FOXJ3: variants seen among roughly 807,000 people sequenced by gnomAD.
The protein encoded by FOXJ3 is forkhead box J3.
A neutral mutation model predicts 76.1 loss-of-function variants in FOXJ3; 22 were observed. The observed-to-expected ratio is 0.29, with a 90% CI of 0.21 to 0.41. The LOEUF (loss-of-function observed/expected upper bound fraction) is 0.41. FOXJ3 is among the 10% of genes least tolerant of loss of function. FOXJ3 has a pLI of 1.00. For missense variants in FOXJ3, 613 were observed against 762.1 expected (o/e 0.80, Z 2.30); for synonymous variants, 269 against 261.2 (o/e 1.03, Z -0.29).
chr1:42,224,052 T>A (rs956960405), intron 5 of FOXJ3, among the ~76,000 whole-genome samples: 3 of 152,262 alleles, frequency 2.0e-5, no homozygotes, highest in African/African-American at 7.2e-5. Flanking sequence ...AAATTCAGCA[T>A]AATCTTCTAT....
At chr1:42,291,268 C>A (rs1653420938) in intron 2 of FOXJ3, among the ~76,000 whole-genome samples, 1 of 152,076 alleles carries the variant, frequency 6.6e-6, no homozygotes, top group African/African-American at 2.4e-5. Context: ...AACAACAAAC[C>A]TAGATGTAAA....
intron 2 of FOXJ3, among the ~76,000 whole-genome samples, chr1:42,305,408 C>A (rs1208788094): frequency 1.3e-5 from 2 of 152,090 alleles, no homozygotes; most frequent in Admixed American, 1.3e-4. Flanking sequence ...GGTATATACC[C>A]AAAAGAAGGC....
chr1:42,237,947 T>C (rs933988406), intron 4 of FOXJ3, among the ~76,000 whole-genome samples: 8 of 151,208 alleles, frequency 5.3e-5, no homozygotes, highest in Non-Finnish European at 8.9e-5. Context: ...CACATATATA[T>C]AGACACACAC....
intron 5 of FOXJ3, among the ~76,000 whole-genome samples, chr1:42,222,939 C>G (rs916251518): frequency 3.3e-5 from 5 of 152,208 alleles, no homozygotes; most frequent in African/African-American, 1.2e-4. Flanking sequence ...GCCACATAAC[C>G]TATGAAGCCT....
chr1:42,324,868 C>G (rs1490916814), intron 1 of FOXJ3, among the ~76,000 whole-genome samples: 1 of 152,146 alleles, frequency 6.6e-6, no homozygotes, highest in Admixed American at 6.6e-5. Flanking sequence ...TGGGACATTA[C>G]TGTACACTAC....
intron 11 of FOXJ3, among the ~76,000 whole-genome samples, chr1:42,187,010 G>A (rs1040891076): frequency 2.6e-5 from 4 of 152,166 alleles, no homozygotes; most frequent in Non-Finnish European, 4.4e-5. Flanking sequence ...ACCAGGTCCG[G>A]CTAATTTTTG....
At chr1:42,193,250 G>T (rs1646584921) in intron 8 of FOXJ3, among the ~76,000 whole-genome samples, 1 of 151,904 alleles carries the variant, frequency 6.6e-6, no homozygotes, top group African/African-American at 2.4e-5. Context: ...AAAAGCCAAG[G>T]CCTCTGAAGA....
intron 2 of FOXJ3, among the ~76,000 whole-genome samples, chr1:42,287,898 C>T (rs1420216220): frequency 1.3e-5 from 2 of 151,922 alleles, no homozygotes; most frequent in Non-Finnish European, 2.9e-5. Flanking sequence ...CCAGGGAAGT[C>T]GAGACTGCAG....
intron 4 of FOXJ3, among the ~76,000 whole-genome samples, chr1:42,263,147 A>G (rs987542238): frequency 3.9e-5 from 6 of 152,206 alleles, no homozygotes; most frequent in Non-Finnish European, 8.8e-5. Flanking sequence ...CATGTTTTCC[A>G]TATCTGTCTT....
At chr1:42,320,542 C>T (rs945422760) in intron 1 of FOXJ3, among the ~76,000 whole-genome samples, 4 of 152,080 alleles carry the variant, frequency 2.6e-5, no homozygotes, top group Admixed American at 6.5e-5. Flanking sequence ...AATTAGATCA[C>T]ACCGTATGTT....
At chr1:42,190,373 T>C (rs1350668369) in intron 9 of FOXJ3, among the ~76,000 whole-genome samples, 1 of 152,184 alleles carries the variant, frequency 6.6e-6, no homozygotes, top group Non-Finnish European at 1.5e-5. Flanking sequence ...ATTCTGCCAA[T>C]AATGGATTTT....
intron 1 of FOXJ3, among the ~76,000 whole-genome samples, chr1:42,316,327 T>C (rs1291793492): frequency 1.4e-5 from 2 of 138,248 alleles, no homozygotes; most frequent in South Asian, 2.4e-4. Context: ...CACCACTGCA[T>C]TGGGCCTTTT....
Position 42,227,867 on chromosome 1 carries a change from G to A in FOXJ3, c.528+16C>T, listed in dbSNP as rs774347571. 1 of 1,472,716 alleles carries A rather than the reference G, an allele frequency of 6.8e-7. No individual in the cohort carries two copies. The highest frequency in any genetic ancestry group is 1.8e-5 in the Admixed American group (1 of 55,242). 91.2% of individuals were successfully genotyped at this position (1,472,716 alleles called of 1,614,324 possible). On this transcript the variant is annotated intron_variant, in intron 5 of 12. Transcript: ENST00000361346. ...ATTCAATGCATTACACTAAATTTATGATAAAGAGCCTTTACCCGTTCTACA... is the reference window on the plus strand; with the variant it reads ...ATTCAATGCATTACACTAAATTTATAATAAAGAGCCTTTACCCGTTCTACA...
intron 2 of FOXJ3, among the ~76,000 whole-genome samples, chr1:42,289,676 C>T (rs1028297968): frequency 3.9e-5 from 6 of 152,084 alleles, no homozygotes; most frequent in African/African-American, 1.2e-4. Context: ...CTCTGAATTA[C>T]CTATAAGTCT....
chr1:42,180,058 C>A (rs143873323), intron 12 of FOXJ3, among the ~76,000 whole-genome samples: 26 of 152,116 alleles, frequency 1.7e-4, no homozygotes, highest in African/African-American at 5.8e-4. Flanking sequence ...AAGATAGGAT[C>A]TGAGGTCAGT....
Position 42,301,362 on chromosome 1 carries a change from A to AT in FOXJ3, c.44+9687dup, listed in dbSNP as rs932723325. The stretch of plus-strand genomic sequence containing the variant: ...AGTCACACGCCACAATGCCCTGCTA[A>AT]TTTTTTTTTTGTATTTTTAGTAGAG... On this transcript the variant is annotated intron_variant, in intron 2 of 12. Transcript: ENST00000361346. 5.1e-4 allele frequency among the ~76,000 whole-genome samples: 76 copies of AT among 149,392 alleles called. No individual in the cohort carries two copies. In the East Asian group the frequency reaches 5.7e-3, roughly 11 times the overall value.
At chr1:42,231,566 C>T (rs1470413955) in intron 4 of FOXJ3, among the ~76,000 whole-genome samples, 2 of 152,078 alleles carry the variant, frequency 1.3e-5, no homozygotes, top group East Asian at 1.9e-4. Context: ...GATAACTGCA[C>T]AAGAATGTGA....
At chr1:42,310,697 G>A (rs962697667) in intron 2 of FOXJ3, among the ~76,000 whole-genome samples, 9 of 152,154 alleles carry the variant, frequency 5.9e-5, no homozygotes, top group African/African-American at 1.7e-4. Flanking sequence ...TGATCCACCC[G>A]CCTCGGCCTC....
At chr1:42,195,945 C>A (rs962827684) in intron 7 of FOXJ3, among the ~76,000 whole-genome samples, 2 of 152,240 alleles carry the variant, frequency 1.3e-5, no homozygotes, top group Non-Finnish European at 2.9e-5. Flanking sequence ...GGCGAAAATT[C>A]TCATCTGCCC....
Sources: gnomAD v4.1 joint callset for allele counts (sites outside exome capture counted in the v4.1 genomes callset) on GRCh38, gnomAD v4.1.1 for gene constraint, MANE v1.5 for transcripts, NCBI Gene and HGNC (gene_info 2026-07-23, HGNC 2026-07-21) for gene names.